The following WWOX variants were observed in gnomAD, a reference collection of about 807,000 sequenced individuals.
The protein encoded by WWOX is WW domain-containing oxidoreductase.
Under a neutral mutation model 46.2 loss-of-function variants are expected in WWOX, and 69 were observed. The ratio of observed to expected loss-of-function variants is 1.49; its 90% CI spans 1.23 to 1.82. WWOX has a LOEUF of 1.82. Among genes scored for constraint, WWOX ranks in the 40% most tolerant of loss-of-function variants. The pLI is 0.00. For missense variants in WWOX, 919 were observed against 542.6 expected (o/e 1.69, Z -6.89); for synonymous variants, 359 against 202.6 (o/e 1.77, Z -6.56).
In WWOX at chr16:78,115,049, A is replaced by T. The variant is rs2032705272; in HGVS notation, c.304A>T (p.Thr102Ser). The change falls in exon 4 of 9, where the codon ACC becomes TCC. Residue 102 changes from threonine to serine, a missense_variant. Transcript: ENST00000566780. ...TGTGGATGATAATCCGACCAAGCCA[A>T]CCACCCGGCAAAGATACGACGGCAG... ...FTVDDNPTKP[T>S]TRQRYDGSTT... 1 of 1,614,238 alleles carries T rather than the reference A, an allele frequency of 6.2e-7. No individual in the cohort carries two copies. Among genetic ancestry groups the T allele is most frequent in the African/African-American group, 1.3e-5 (1 of 75,060 alleles).
intron 8 of WWOX, among the ~76,000 whole-genome samples, chr16:78,952,593 A>C (rs765625439): frequency 1.3e-5 from 2 of 152,106 alleles, no homozygotes; most frequent in South Asian, 4.1e-4. Flanking sequence ...CATGTTGGCC[A>C]GCCTGGTCTT....
chr16:78,829,113 T>C (rs761183395), intron 8 of WWOX, among the ~76,000 whole-genome samples: 2 of 151,608 alleles, frequency 1.3e-5, no homozygotes, highest in Non-Finnish European at 2.9e-5. Flanking sequence ...GATGGATGGA[T>C]GGATGGATGG....
chr16:78,688,492 G>C, intron 8 of WWOX, among the ~76,000 whole-genome samples: 1 of 151,866 alleles, frequency 6.6e-6, no homozygotes, highest in East Asian at 1.9e-4. Context: ...TGAGAGAATA[G>C]AAACTTTTGC....
At chr16:78,303,599 C>T (rs2080081465) in intron 5 of WWOX, among the ~76,000 whole-genome samples, 1 of 152,166 alleles carries the variant, frequency 6.6e-6, no homozygotes, top group South Asian at 2.1e-4. Context: ...GTCTGGAGTG[C>T]AATGGCACAA....
At chr16:78,864,788 A>T (rs1490194003) in intron 8 of WWOX, among the ~76,000 whole-genome samples, 5 of 102,812 alleles carry the variant, frequency 4.9e-5, no homozygotes, top group Non-Finnish European at 7.1e-5. Context: ...TTTTTGAGAC[A>T]GTCTCACTCT....
intron 8 of WWOX, chr16:78,892,203 G>T (rs191472441): frequency 3.4e-4 from 52 of 152,216 alleles, no homozygotes; most frequent in African/African-American, 1.2e-3. Context: ...TTCAAGGATT[G>T]GAAAGAAGAA....
intron 5 of WWOX, among the ~76,000 whole-genome samples, chr16:78,368,808 A>G (rs1296289108): frequency 6.6e-6 from 1 of 152,214 alleles, no homozygotes; most frequent in African/African-American, 2.4e-5. Flanking sequence ...GCCATGGGAT[A>G]GGTGACTACA....
intron 8 of WWOX, among the ~76,000 whole-genome samples, chr16:79,178,569 G>A (rs1372098416): frequency 1.3e-5 from 2 of 152,010 alleles, no homozygotes; most frequent in African/African-American, 2.4e-5. Flanking sequence ...CTCCCGCCTC[G>A]ACCTCTCAAA....
chr16:79,157,375 G>A (rs896798207), intron 8 of WWOX, among the ~76,000 whole-genome samples: 49 of 150,806 alleles, frequency 3.2e-4, no homozygotes, highest in African/African-American at 1.2e-3. Context: ...GTGAGCCTTG[G>A]TCAAGTCTCA....
chr16:78,599,618 A>G (rs752389064), intron 8 of WWOX, among the ~76,000 whole-genome samples: 15 of 152,060 alleles, frequency 9.9e-5, no homozygotes, highest in Non-Finnish European at 1.9e-4. Flanking sequence ...ATGCAGCAAA[A>G]CCCAGGCCTG....
At chr16:78,965,316 C>A (rs1475105894) in intron 8 of WWOX, among the ~76,000 whole-genome samples, 4 of 152,156 alleles carry the variant, frequency 2.6e-5, no homozygotes. Context: ...TGCCTATAAT[C>A]CTAGCACGTT....
intron 8 of WWOX, among the ~76,000 whole-genome samples, chr16:79,209,214 T>G (rs2051627246): frequency 6.6e-6 from 1 of 152,218 alleles, no homozygotes. Flanking sequence ...AAGCCAGTTG[T>G]AATTGCCTTT....
intron 5 of WWOX, among the ~76,000 whole-genome samples, chr16:78,225,063 A>G (rs1039427351): frequency 1.3e-5 from 2 of 152,218 alleles, no homozygotes; most frequent in African/African-American, 2.4e-5. Flanking sequence ...AGGGAGATAC[A>G]TTCTGAAAAA....
chr16:78,820,100 C>G (rs974409891), intron 8 of WWOX, among the ~76,000 whole-genome samples: 1 of 152,108 alleles, frequency 6.6e-6, no homozygotes, highest in Admixed American at 6.6e-5. Flanking sequence ...ACCGTGAGCA[C>G]CTGTCATGGG....
chr16:78,161,491 G>A (rs1480690710), intron 4 of WWOX, among the ~76,000 whole-genome samples: 1 of 151,162 alleles, frequency 6.6e-6, no homozygotes, highest in African/African-American at 2.4e-5. Flanking sequence ...CTGTCACTCT[G>A]GCTGGAGTGC....
intron 5 of WWOX, among the ~76,000 whole-genome samples, chr16:78,265,248 G>C (rs945337927): frequency 2.0e-5 from 3 of 151,758 alleles, no homozygotes; most frequent in African/African-American, 4.8e-5. Flanking sequence ...GCCCACCTTG[G>C]CCTCCCAAAA....
chr16:78,568,398 A>T (rs1054703254), intron 8 of WWOX, among the ~76,000 whole-genome samples: 1 of 151,668 alleles, frequency 6.6e-6, no homozygotes, highest in African/African-American at 2.4e-5. Context: ...ACTTTGAGTT[A>T]TTACCAAGAA....
At chr16:78,263,041 A>C (rs1354656006) in intron 5 of WWOX, among the ~76,000 whole-genome samples, 1 of 151,952 alleles carries the variant, frequency 6.6e-6, no homozygotes, top group Non-Finnish European at 1.5e-5. Flanking sequence ...CTTTCCTTAC[A>C]TTGGTCTTCT....
chr16:78,499,706 T>C (rs997498012), intron 8 of WWOX, among the ~76,000 whole-genome samples: 7 of 152,030 alleles, frequency 4.6e-5, no homozygotes, highest in Non-Finnish European at 7.4e-5. Context: ...CCATGTCTTA[T>C]TTTTTTTAAT....
Sources: allele counts gnomAD v4.1 joint callset (sites outside exome capture counted in the v4.1 genomes callset), GRCh38; gene constraint gnomAD v4.1.1; transcripts MANE v1.5; gene names NCBI Gene and HGNC (gene_info 2026-07-23, HGNC 2026-07-21).